The following DMD variants were observed in gnomAD, a reference collection of about 807,000 sequenced individuals.
The protein encoded by DMD is mutant dystrophin.
A neutral mutation model predicts 330.1 loss-of-function variants in DMD; 63 were observed. The ratio of observed to expected loss-of-function variants is 0.19; its 90% CI spans 0.16 to 0.24. The LOEUF is 0.24. Ranked by LOEUF, DMD falls within the 10% of genes least tolerant of loss-of-function variation. The probability of loss-of-function intolerance (pLI) is 1.00; values close to 1 mark genes in which losing one functional copy is unlikely to be tolerated. For missense variants in DMD, 3,344 were observed against 2,684.1 expected, an observed-to-expected ratio of 1.25 and a Z score of -5.43; for synonymous variants, 1,223 against 959.8, an observed-to-expected ratio of 1.27 and a Z score of -5.07.
intron 44 of DMD, among the ~76,000 whole-genome samples, chrX:32,152,407 T>C (rs2096808790): frequency 9.0e-6 from 1 of 111,709 alleles, no homozygotes; most frequent in Admixed American, 9.6e-5. Context: ...CGGATCATAG[T>C]GTTGGACAGT....
intron 2 of DMD, among the ~76,000 whole-genome samples, chrX:32,910,287 A>G (rs2087107931): frequency 9.0e-6 from 1 of 111,438 alleles, no homozygotes; most frequent in African/African-American, 3.3e-5. Flanking sequence ...TATGTAGGAC[A>G]GCTCTCTTTC....
chrX:32,109,931 C>T (rs145706214), intron 44 of DMD, among the ~76,000 whole-genome samples: 170 of 111,402 alleles, frequency 1.5e-3, no homozygotes, highest in African/African-American at 4.9e-3. Flanking sequence ...GACAAACACA[C>T]GTCAAATAAC....
rs777955346 is a variant in DMD, at chrX:32,529,379, CTTTTTTTTTTTTTTTTTTTTT to C, written c.2169-11269_2169-11249del. On this transcript the variant is annotated intron_variant, in intron 17 of 78. Coordinates refer to ENST00000357033, the MANE Select transcript of DMD (RefSeq NM_004006.3). Reference sequence around the variant, plus strand: ...CGAATTCCACCTTGGCAAAAATCAACTTTTTTTTTTTTTTTTTTTTTTTTTTTTTTTTTTTTTGAGACAAAG... The same window carrying C: ...CGAATTCCACCTTGGCAAAAATCAACTTTTTTTTTTTTTTTTGAGACAAAG... Among the ~76,000 whole-genome samples, 4 of 31,036 alleles carry C rather than the reference CTTTTTTTTTTTTTTTTTTTTT, an allele frequency of 1.3e-4. 1 individual carries two copies. The highest frequency in any genetic ancestry group is 0.08 in the Middle Eastern group (2 of 25). The allele number at this position is 31,036 out of a possible 115,157, so 27.0% of individuals were successfully genotyped here. A position where few individuals can be genotyped will look rare whatever the true frequency, so the allele number is the denominator to read the frequency against.
chrX:32,021,625 G>T lies in DMD; in HGVS notation c.6439-53111C>A, dbSNP rs75711175. On this transcript the variant is annotated intron_variant, in intron 44 of 78. Coordinates refer to ENST00000357033, the MANE Select transcript of DMD (RefSeq NM_004006.3). ...AATTCAAATGTGACTAATGCAAATTGCAATGTGCCATAAATGTAAAATATA... is the reference window on the plus strand; with the variant it reads ...AATTCAAATGTGACTAATGCAAATTTCAATGTGCCATAAATGTAAAATATA... 1.2e-4 allele frequency among the ~76,000 whole-genome samples: 13 copies of T among 112,075 alleles called. No homozygotes were observed. The East Asian group carries it at 3.4e-3, about 29-fold the overall frequency.
intron 2 of DMD, among the ~76,000 whole-genome samples, chrX:32,935,441 T>C (rs938248908): frequency 1.8e-5 from 2 of 112,249 alleles, no homozygotes; most frequent in Non-Finnish European, 3.8e-5. Flanking sequence ...AAAATGTTTG[T>C]GGACCTCTAC....
chrX:32,717,943 A>T (rs754484539), intron 7 of DMD, among the ~76,000 whole-genome samples: 2 of 110,608 alleles, frequency 1.8e-5, no homozygotes, highest in East Asian at 5.9e-4. Context: ...GATCGATTTA[A>T]CTCTTTTGAG....
intron 62 of DMD, among the ~76,000 whole-genome samples, chrX:31,295,060 G>A (rs1418776388): frequency 2.7e-5 from 3 of 111,067 alleles, no homozygotes; most frequent in African/African-American, 6.6e-5. Context: ...GCAGTAGCGC[G>A]ATCTCGGCTC....
At chrX:31,239,985 C>A (rs951832641) in intron 63 of DMD, among the ~76,000 whole-genome samples, 2 of 111,797 alleles carry the variant, frequency 1.8e-5, no homozygotes, top group Non-Finnish European at 3.8e-5. Flanking sequence ...GCTTAATTTC[C>A]CATTTGAATA....
chrX:32,389,789 C>T (rs552662703), intron 31 of DMD, 115 bp from the exon 32 acceptor site: 10 of 733,849 alleles, frequency 1.4e-5, no homozygotes, highest in South Asian at 2.4e-5. Context: ...AAAATAAAAA[C>T]AAAATAAAGC....
intron 57 of DMD, among the ~76,000 whole-genome samples, chrX:31,494,998 T>C (rs2069691926): frequency 8.9e-6 from 1 of 112,163 alleles, no homozygotes; most frequent in South Asian, 3.7e-4. Flanking sequence ...TTTCTATATG[T>C]ACACCAGAGT....
chrX:31,658,178 A>C lies in DMD; in HGVS notation c.7873-34T>G, dbSNP rs750693434. 5.8e-6 allele frequency: 7 copies of C among 1,200,375 alleles called. No individual in the cohort carries two copies. In the Admixed American group the frequency reaches 6.6e-5, roughly 11 times the overall value. On this transcript the variant is annotated intron_variant, in intron 53 of 78. Coordinates refer to ENST00000357033, the MANE Select transcript of DMD (RefSeq NM_004006.3). ...TTTTATGAGAAAGAGAATGAATGTC[A>C]GTTTTTTTTATGAAATCTCTAGTTG... is the stretch of plus-strand genomic sequence containing the variant.
chrX:31,864,088 C>T (rs2093756938), intron 48 of DMD, among the ~76,000 whole-genome samples: 1 of 110,927 alleles, frequency 9.0e-6, no homozygotes. Flanking sequence ...ATCCCAAGGG[C>T]AGAAAATAGA....
intron 1 of DMD, among the ~76,000 whole-genome samples, chrX:33,165,301 G>A (rs1217975095): frequency 9.0e-6 from 1 of 111,345 alleles, no homozygotes; most frequent in African/African-American, 3.3e-5. Context: ...AAAGTTAGGG[G>A]AAAAATGACT....
At chrX:31,833,930 C>T (rs2093133194) in intron 49 of DMD, among the ~76,000 whole-genome samples, 1 of 110,794 alleles carries the variant, frequency 9.0e-6, no homozygotes, top group African/African-American at 3.3e-5. Flanking sequence ...ATATCATTTT[C>T]TTCATAATTA....
At chrX:31,313,786 A>G (rs2055738659) in intron 62 of DMD, among the ~76,000 whole-genome samples, 2 of 103,345 alleles carry the variant, frequency 1.9e-5, no homozygotes, top group South Asian at 8.9e-4. Context: ...TAAGCCTCCA[A>G]CTTTTTTGAA....
At chrX:33,076,375 C>G (rs184652704) in intron 1 of DMD, among the ~76,000 whole-genome samples, 1 of 111,597 alleles carries the variant, frequency 9.0e-6, no homozygotes, top group Non-Finnish European at 1.9e-5. Context: ...TAAATCAACT[C>G]TGTCTAGAGA....
intron 27 of DMD, among the ~76,000 whole-genome samples, chrX:32,446,932 G>A (rs189068904): frequency 1.3e-4 from 14 of 110,365 alleles, no homozygotes; most frequent in African/African-American, 4.3e-4. Context: ...ACATGAGAAG[G>A]AAATGGAAAA....
intron 1 of DMD, among the ~76,000 whole-genome samples, chrX:33,163,162 G>A (rs1316642390): frequency 1.8e-5 from 2 of 111,306 alleles, no homozygotes; most frequent in African/African-American, 6.5e-5. Flanking sequence ...GATATGTCAG[G>A]CCAGTAACAG....
intron 11 of DMD, among the ~76,000 whole-genome samples, chrX:32,641,124 G>T (rs956000904): frequency 4.5e-5 from 5 of 110,877 alleles, no homozygotes; most frequent in African/African-American, 1.3e-4. Flanking sequence ...AAACTAAATG[G>T]TACCAACCTT....
Sources: gnomAD v4.1 joint callset for allele counts (sites outside exome capture counted in the v4.1 genomes callset) on GRCh38, gnomAD v4.1.1 for gene constraint, MANE v1.5 for transcripts, NCBI Gene and HGNC (gene_info 2026-07-23, HGNC 2026-07-21) for gene names.